ZCWPW2: variants seen among roughly 807,000 people sequenced by gnomAD.
ZCWPW2 encodes the protein zinc finger CW-type PWWP domain protein 2.
A neutral mutation model predicts 46.6 loss-of-function variants in ZCWPW2; 45 were observed. The ratio of observed to expected loss-of-function variants is 0.96; its 90% CI spans 0.76 to 1.24. The LOEUF (loss-of-function observed/expected upper bound fraction) is 1.24, where lower values mean the gene tolerates loss of function less well. ZCWPW2 is among the 50% of genes most tolerant of loss of function. The pLI is 0.00. For missense variants in ZCWPW2, 429 were observed against 403.9 expected (o/e 1.06, Z -0.53); for synonymous variants, 152 against 137.1 (o/e 1.11, Z -0.76).
chr3:28,422,361 G>A (rs756222082), intron 3 of ZCWPW2, among the ~76,000 whole-genome samples: 2 of 152,050 alleles, frequency 1.3e-5, no homozygotes, highest in Non-Finnish European at 2.9e-5. Context: ...AAAATCCTCT[G>A]TGTTTCTCCT....
intron 2 of ZCWPW2, among the ~76,000 whole-genome samples, chr3:28,391,499 A>G (rs948722963): frequency 6.6e-6 from 1 of 152,174 alleles, no homozygotes; most frequent in African/African-American, 2.4e-5. Flanking sequence ...ATAATAGACA[A>G]TATTCTGAAA....
intron 6 of ZCWPW2, among the ~76,000 whole-genome samples, chr3:28,501,724 T>C (rs888636398): frequency 1.3e-5 from 2 of 152,128 alleles, no homozygotes; most frequent in Non-Finnish European, 2.9e-5. Flanking sequence ...ATTTATTACT[T>C]TAAATCATCA....
chr3:28,488,417 C>T (rs1451099108), intron 5 of ZCWPW2, among the ~76,000 whole-genome samples: 3 of 152,152 alleles, frequency 2.0e-5, no homozygotes, highest in African/African-American at 4.8e-5. Context: ...TTCTAATTTC[C>T]TTACATGCCA....
At chr3:28,460,801 G>A (rs940636338) in intron 4 of ZCWPW2, among the ~76,000 whole-genome samples, 2 of 152,128 alleles carry the variant, frequency 1.3e-5, no homozygotes, top group East Asian at 1.9e-4. Context: ...AGAATGATGC[G>A]TCAGTGCAAT....
intron 2 of ZCWPW2, among the ~76,000 whole-genome samples, chr3:28,404,289 A>G (rs1378586055): frequency 6.6e-6 from 1 of 152,240 alleles, no homozygotes; most frequent in Non-Finnish European, 1.5e-5. Context: ...GCTCAACATC[A>G]TGAATAATCA....
At chr3:28,413,922 G>C (rs893475543) in intron 3 of ZCWPW2, among the ~76,000 whole-genome samples, 1 of 152,024 alleles carries the variant, frequency 6.6e-6, no homozygotes, top group East Asian at 1.9e-4. Flanking sequence ...TTCTATAATT[G>C]TTGCCTAGAT....
At chr3:28,463,414 G>A (rs1422136938) in intron 4 of ZCWPW2, among the ~76,000 whole-genome samples, 2 of 152,040 alleles carry the variant, frequency 1.3e-5, no homozygotes, top group African/African-American at 4.8e-5. Context: ...TTACTACAGA[G>A]CTGCCTTGAA....
At chr3:28,454,962 T>C (rs1698368897) in intron 4 of ZCWPW2, among the ~76,000 whole-genome samples, 1 of 152,194 alleles carries the variant, frequency 6.6e-6, no homozygotes, top group African/African-American at 2.4e-5. Flanking sequence ...GCATGTGTCT[T>C]TATAATAGAG....
chr3:28,451,414 A>G (rs1398709699), intron 4 of ZCWPW2, among the ~76,000 whole-genome samples: 1 of 152,194 alleles, frequency 6.6e-6, no homozygotes, highest in Non-Finnish European at 1.5e-5. Context: ...TTTGTACACT[A>G]TGCCAACATA....
intron 4 of ZCWPW2, among the ~76,000 whole-genome samples, chr3:28,458,001 AC>A (rs780458003): frequency 8.5e-5 from 13 of 152,230 alleles, no homozygotes; most frequent in South Asian, 2.1e-4. Flanking sequence ...GTGACCTGAT[AC>A]AGAAAATGAC....
chr3:28,354,236 A>G (rs1345540699), intron 1 of ZCWPW2, among the ~76,000 whole-genome samples: 1 of 152,102 alleles, frequency 6.6e-6, no homozygotes, highest in South Asian at 2.1e-4. Flanking sequence ...CCTTTAGGCA[A>G]ATAAACTAGA....
intron 6 of ZCWPW2, among the ~76,000 whole-genome samples, chr3:28,500,194 G>GT (rs1020754419): frequency 1.3e-5 from 2 of 151,906 alleles, no homozygotes; most frequent in African/African-American, 4.8e-5. Context: ...TCATTGACAG[G>GT]TATTAGTATA....
chr3:28,476,862 C>G (rs1471254115), intron 4 of ZCWPW2, among the ~76,000 whole-genome samples: 2 of 152,074 alleles, frequency 1.3e-5, no homozygotes, highest in African/African-American at 4.8e-5. Context: ...ATCTCTCCCA[C>G]GTGCAGTTCA....
intron 1 of ZCWPW2, among the ~76,000 whole-genome samples, chr3:28,355,935 A>G (rs556715469): frequency 6.6e-6 from 1 of 152,380 alleles, no homozygotes; most frequent in South Asian, 2.1e-4. Flanking sequence ...GGACATAGGC[A>G]TGGGCAAGGA....
chr3:28,481,230 A>G (rs991367481), intron 5 of ZCWPW2, among the ~76,000 whole-genome samples: 7 of 151,742 alleles, frequency 4.6e-5, no homozygotes, highest in African/African-American at 1.7e-4. Context: ...TGATTGCCAC[A>G]TAAAATGATA....
chr3:28,399,797 C>T (rs1695853108), intron 2 of ZCWPW2, among the ~76,000 whole-genome samples: 1 of 152,172 alleles, frequency 6.6e-6, no homozygotes, highest in African/African-American at 2.4e-5. Context: ...TAACCCTAGA[C>T]CTTCTGTCTG....
chr3:28,465,616 T>A (rs1318610953), intron 4 of ZCWPW2, among the ~76,000 whole-genome samples: 2 of 152,194 alleles, frequency 1.3e-5, no homozygotes, highest in East Asian at 3.8e-4. Context: ...GCTACTATTA[T>A]GTAATATTAT....
chr3:28,464,520 TA>T (rs570972290), intron 4 of ZCWPW2, among the ~76,000 whole-genome samples: 71 of 149,380 alleles, frequency 4.8e-4, no homozygotes, highest in African/African-American at 1.2e-3. Flanking sequence ...CACACTGTAG[TA>T]AAAAAAAAAT....
At chr3:28,356,004 CTAAT>C (rs1487995354) in intron 1 of ZCWPW2, among the ~76,000 whole-genome samples, 2 of 152,182 alleles carry the variant, frequency 1.3e-5, no homozygotes, top group Admixed American at 6.5e-5. Flanking sequence ...CAAATGGAAT[CTAAT>C]TAAACTAAAG....
Sources: allele counts gnomAD v4.1 joint callset (sites outside exome capture counted in the v4.1 genomes callset), GRCh38; gene constraint gnomAD v4.1.1; transcripts MANE v1.5; gene names NCBI Gene and HGNC (gene_info 2026-07-23, HGNC 2026-07-21).